Variants in COQ8A observed in about 807,000 individuals in gnomAD.
The protein encoded by COQ8A is coenzyme Q8A, also known as atypical kinase COQ8A, mitochondrial.
Under a neutral mutation model 65.0 loss-of-function variants are expected in COQ8A, and 51 were observed. The observed-to-expected ratio is 0.78, with a 90% CI of 0.63 to 0.99. The LOEUF (loss-of-function observed/expected upper bound fraction) is 0.99, where lower values mean the gene tolerates loss of function less well. COQ8A is among the 50% of genes least tolerant of loss of function. The pLI is 0.00. For missense variants in COQ8A, 940 were observed against 875.0 expected, an observed-to-expected ratio of 1.07 and a Z score of -0.94; for synonymous variants, 371 against 353.2, an observed-to-expected ratio of 1.05 and a Z score of -0.57.
chr1:226,965,174 G>C lies in COQ8A; in HGVS notation c.352G>C (p.Ala118Pro). 6.2e-7 allele frequency: 1 copy of C among 1,613,796 alleles called. No individual in the cohort carries two copies. The highest frequency in any genetic ancestry group is 8.5e-7 in the Non-Finnish European group (1 of 1,180,040). The change falls in exon 3 of 15, where the codon GCC (alanine) becomes CCC (proline). Residue 118 changes from alanine (A) to proline (P), a missense_variant. Physicochemically the swap from Ala to Pro is conservative, Grantham distance 27. Coordinates refer to ENST00000366777, the MANE Select transcript of COQ8A (RefSeq NM_020247.5). The stretch of plus-strand genomic sequence containing the variant: ...TGCCCACAGCGAGGGCCCAGCTCCT[G>C]CCTACGTGGCCAGTGGACCCTTTAG... ...GHAHSEGPAPAYVASGPFREA... is the reference protein window; with the variant it reads ...GHAHSEGPAPPYVASGPFREA...
In COQ8A at chr1:226,985,896, C is replaced by G. The variant is rs187730457; in HGVS notation, c.1659+556C>G. Among the ~76,000 whole-genome samples the G allele has an allele frequency of 3.3e-5, 5 of 152,304 alleles. No individual in the cohort carries two copies. The East Asian group carries it at 7.7e-4, about 24-fold the overall frequency. On this transcript the variant is annotated intron_variant, in intron 14 of 14. Transcript: ENST00000366777. The stretch of plus-strand genomic sequence containing the variant: ...GAGCCCCCCTTATCTCAGCTGTAAG[C>G]GCTCAGCGGGCAGCAGCTCTCTCCC...
At chr1:226,983,934 C>A in intron 10 of COQ8A, 80 bp downstream of exon 10, 1 of 1,562,790 alleles carries the variant, frequency 6.4e-7, no homozygotes, top group East Asian at 2.3e-5. Context: ...GTGAAGGCCC[C>A]TCCAGCTCTG....
chr1:226,984,916 G>C lies in COQ8A; in HGVS notation c.1547G>C (p.Arg516Thr), dbSNP rs758657098. 6.2e-7 allele frequency: 1 copy of C among 1,614,138 alleles called. No individual in the cohort carries two copies. Among genetic ancestry groups the C allele is most frequent in the Non-Finnish European group, 8.5e-7 (1 of 1,180,020 alleles). The change falls in exon 13 of 15, where the codon AGA (arginine) becomes ACA (threonine). Residue 516 changes from arginine to threonine, a missense_variant. Coordinates refer to ENST00000366777, the MANE Select transcript of COQ8A (RefSeq NM_020247.5). ...LDFGATREYD[R>T]SFTDLYIQII... ...TTTGGGGCAACGCGGGAATATGACAGATCCTTCACCGACCTCTACATTCAG... is the reference window on the plus strand; with the variant it reads ...TTTGGGGCAACGCGGGAATATGACACATCCTTCACCGACCTCTACATTCAG...
intron 5 of COQ8A, among the ~76,000 whole-genome samples, chr1:226,979,345 G>A (rs900621468): frequency 1.3e-5 from 2 of 152,192 alleles, no homozygotes; most frequent in Non-Finnish European, 2.9e-5. Context: ...ACACCAGGCC[G>A]GGCTCCTCCT....
intron 1 of COQ8A, among the ~76,000 whole-genome samples, chr1:226,958,560 C>T (rs1168364692): frequency 6.6e-6 from 1 of 152,190 alleles, no homozygotes; most frequent in East Asian, 1.9e-4. Context: ...AGGGCAGGTT[C>T]ATCGGGGCCT....
In COQ8A at chr1:226,987,396, G is replaced by A. The variant is rs1373758709; in HGVS notation, c.*659G>A. On this transcript the variant is annotated 3_prime_UTR_variant, in exon 15 of 15. Transcript: ENST00000366777. ...AGGCTCGCTGCTGCTGGAAGGCGGGGTGGGACTTCCTTCCTCTGTCCGGAG... is the reference window on the plus strand; with the variant it reads ...AGGCTCGCTGCTGCTGGAAGGCGGGATGGGACTTCCTTCCTCTGTCCGGAG... The A allele has an allele frequency of 6.5e-6, 1 of 152,978 alleles. No homozygotes were observed. The highest frequency in any genetic ancestry group is 2.4e-5 in the African/African-American group (1 of 41,474). 9.5% of individuals were successfully genotyped at this position (152,978 alleles called of 1,614,324 possible).
At chr1:226,952,957 T>G (rs2148019318) in intron 1 of COQ8A, among the ~76,000 whole-genome samples, 1 of 152,310 alleles carries the variant, frequency 6.6e-6, no homozygotes, top group East Asian at 1.9e-4. Flanking sequence ...GTGACCTGCT[T>G]TTTATTTCCC....
intron 1 of COQ8A, among the ~76,000 whole-genome samples, chr1:226,951,467 T>A (rs1657382672): frequency 6.6e-6 from 1 of 152,130 alleles, no homozygotes; most frequent in Non-Finnish European, 1.5e-5. Context: ...CTGGCCTGGA[T>A]AATACAGTAC....
At chr1:226,970,385 A>G (rs972557932) in intron 4 of COQ8A, among the ~76,000 whole-genome samples, 4 of 152,262 alleles carry the variant, frequency 2.6e-5, no homozygotes, top group Non-Finnish European at 5.9e-5. Context: ...GCTGTATGGC[A>G]TAGCCTGTTG....
chr1:226,985,076 G>T (rs1660001314), intron 13 of COQ8A, 135 bp downstream of exon 13: 2 of 1,320,018 alleles, frequency 1.5e-6, no homozygotes, highest in South Asian at 2.4e-5. Flanking sequence ...CCTCAGGTCT[G>T]GTGACAGCAG....
chr1:226,986,516 C>G lies in COQ8A; in HGVS notation c.1723C>G (p.Pro575Ala), dbSNP rs1260803772. 2 of 1,613,786 alleles carry G rather than the reference C, an allele frequency of 1.2e-6. No individual in the cohort carries two copies. The highest frequency in any genetic ancestry group is 1.7e-5 in the Admixed American group (1 of 59,990). ...ILGEAFASDE[P>A]FDFGTQSTTE... ...GGGGGAGGCCTTCGCCTCTGATGAG[C>G]CTTTTGATTTTGGCACTCAGAGCAC... is the stretch of plus-strand genomic sequence containing the variant. The change falls in exon 15 of 15, where the codon CCT becomes GCT. Residue 575 changes from proline to alanine, a missense_variant. Physicochemically the swap from Pro to Ala is conservative, Grantham distance 27 (BLOSUM62 -1). Coordinates refer to ENST00000366777, the MANE Select transcript of COQ8A (RefSeq NM_020247.5).
At chr1:226,981,284 C>G (rs897647354) in intron 5 of COQ8A, among the ~76,000 whole-genome samples, 3 of 152,224 alleles carry the variant, frequency 2.0e-5, no homozygotes, top group African/African-American at 7.2e-5. Flanking sequence ...GAGGACCCAG[C>G]AGCCCTGGGC....
At chr1:226,983,975 C>T in intron 10 of COQ8A, 119 bp from the exon 11 acceptor site, 1 of 1,554,644 alleles carries the variant, frequency 6.4e-7, no homozygotes, top group Non-Finnish European at 8.7e-7. Context: ...GCAGCCTGGG[C>T]CGAGGCCATA....
intron 4 of COQ8A, among the ~76,000 whole-genome samples, chr1:226,970,152 C>G (rs1229260129): frequency 6.6e-6 from 1 of 152,138 alleles, no homozygotes; most frequent in Non-Finnish European, 1.5e-5. Flanking sequence ...AGGGTTTTGC[C>G]ATGTTGGCCA....
intron 5 of COQ8A, among the ~76,000 whole-genome samples, chr1:226,978,886 ACCAATCACC>A (rs1659512898): frequency 9.5e-6 from 1 of 105,744 alleles, no homozygotes; most frequent in Non-Finnish European, 2.1e-5. Flanking sequence ...CCACACACCC[ACCAATCACC>A]CACTGAACAC....
At chr1:226,963,848 G>T (rs1658400093) in intron 2 of COQ8A, among the ~76,000 whole-genome samples, 1 of 152,096 alleles carries the variant, frequency 6.6e-6, no homozygotes, top group Non-Finnish European at 1.5e-5. Flanking sequence ...CAGGTGATCT[G>T]CCTGCTTCAT....
Position 226,983,699 on chromosome 1 carries a change from G to A in COQ8A, c.1163-62G>A, listed in dbSNP as rs562847528. On this transcript the variant is annotated intron_variant, in intron 9 of 14. Coordinates refer to ENST00000366777, the MANE Select transcript of COQ8A (RefSeq NM_020247.5). Reference sequence around the variant, plus strand: ...GCAGGCATCTGTGTTGGGTTCTGGGGACCAGAGGGGGTCCTCCCTGCAGAG... The same window carrying A: ...GCAGGCATCTGTGTTGGGTTCTGGGAACCAGAGGGGGTCCTCCCTGCAGAG... 17 of 1,612,296 alleles carry A rather than the reference G, an allele frequency of 1.1e-5. No homozygotes were observed. The Admixed American group carries it at 2.2e-4, about 21-fold the overall frequency.
intron 1 of COQ8A, among the ~76,000 whole-genome samples, chr1:226,942,359 AG>A (rs1656758740): frequency 6.6e-6 from 1 of 151,810 alleles, no homozygotes; most frequent in African/African-American, 2.4e-5. Context: ...GAAAGTTAGG[AG>A]GTAGACACCC....
In COQ8A at chr1:226,983,048, T is replaced by G. The variant is rs1659815900; in HGVS notation, c.1080+14T>G. 6.4e-7 allele frequency: 1 copy of G among 1,574,660 alleles called. No homozygotes were observed. Among genetic ancestry groups the G allele is most frequent in the Non-Finnish European group, 8.6e-7 (1 of 1,161,526 alleles). On this transcript the variant is annotated intron_variant, in intron 8 of 14. Transcript: ENST00000366777. ...ATGAAGATCCAGGTAGGCGGCCTGA[T>G]GCGCAGTGCCTGTCCCTATGGGGGC... is the stretch of plus-strand genomic sequence containing the variant.
Sources: allele counts gnomAD v4.1 joint callset (sites outside exome capture counted in the v4.1 genomes callset), GRCh38; gene constraint gnomAD v4.1.1; transcripts MANE v1.5; gene names NCBI Gene and HGNC (gene_info 2026-07-23, HGNC 2026-07-21).